The following DCLK1 variants were observed in gnomAD, a reference collection of about 807,000 sequenced individuals.
DCLK1 encodes the protein doublecortin like kinase 1.
In DCLK1, 16 loss-of-function variants were observed where a neutral mutation model predicts 86.2. The observed-to-expected ratio is 0.19, with a 90% CI of 0.13 to 0.28. The LOEUF is 0.28. Among genes scored for constraint, DCLK1 ranks in the 10% least tolerant of loss-of-function variants. The pLI is 1.00. For missense variants in DCLK1, 590 were observed against 940.2 expected (o/e 0.63, Z 4.87); for synonymous variants, 369 against 370.5 (o/e 1.00, Z 0.05).
At chr13:35,954,841 T>C (rs184510555) in intron 3 of DCLK1, among the ~76,000 whole-genome samples, 3 of 151,786 alleles carry the variant, frequency 2.0e-5, no homozygotes, top group African/African-American at 7.3e-5. Flanking sequence ...GACTTTTTTT[T>C]AAAAAAAATG....
At chr13:35,857,985 T>G (rs1221736940) in intron 5 of DCLK1, among the ~76,000 whole-genome samples, 10 of 152,208 alleles carry the variant, frequency 6.6e-5, no homozygotes, top group Admixed American at 6.5e-4. Flanking sequence ...TTAGGGAGTT[T>G]GGTTTTTATC....
chr13:35,874,972 G>A (rs1872512747), intron 4 of DCLK1, among the ~76,000 whole-genome samples: 1 of 152,232 alleles, frequency 6.6e-6, no homozygotes, highest in South Asian at 2.1e-4. Flanking sequence ...TTATCACGTG[G>A]CCACTACGTG....
intron 11 of DCLK1, among the ~76,000 whole-genome samples, chr13:35,812,879 GACATTTTCTTCCTA>G (rs1436854481): frequency 6.6e-6 from 1 of 152,166 alleles, no homozygotes; most frequent in Non-Finnish European, 1.5e-5. Flanking sequence ...ATCTGGGACG[GACATTTTCTTCCTA>G]ACTTAATGAA....
rs140872139 is a variant in DCLK1 at position 35,921,670 on chromosome 13, C to T, written c.823+25688G>A. On this transcript the variant is annotated intron_variant, in intron 4 of 16. Coordinates refer to ENST00000360631, the MANE Select transcript of DCLK1 (RefSeq NM_001330071.2). ...CAGCAGCACCCAGAAAGGTGTGTGGCCAAAGTGAAACAAATGAAAATTTGT... is the reference window on the plus strand; with the variant it reads ...CAGCAGCACCCAGAAAGGTGTGTGGTCAAAGTGAAACAAATGAAAATTTGT... Among the ~76,000 whole-genome samples the T allele has an allele frequency of 2.0e-4, 31 of 152,134 alleles. No individual in the cohort carries two copies. In the East Asian group the frequency reaches 6.0e-3, roughly 29 times the overall value.
intron 5 of DCLK1, chr13:35,869,134 G>T (rs771469470): frequency 1.2e-5 from 6 of 511,260 alleles, no homozygotes; most frequent in Admixed American, 7.9e-5. Context: ...ATGTTTTTTA[G>T]TTAAGACTGA....
In DCLK1 at chr13:35,828,080, T is replaced by C. The variant is rs538118762; in HGVS notation, c.1287+170A>G. On this transcript the variant is annotated intron_variant, in intron 9 of 16. Coordinates refer to ENST00000360631, the MANE Select transcript of DCLK1 (RefSeq NM_001330071.2). ...TGAAGTCATATCTAATCATTCCAAA[T>C]AACTTTTATCCCAGGGATATACATA... Among the ~76,000 whole-genome samples the C allele has an allele frequency of 7.3e-4, 111 of 152,340 alleles. 2 individuals are homozygous for C. In the South Asian group the frequency reaches 0.022, roughly 30 times the overall value.
intron 4 of DCLK1, 45 bp from the exon 5 acceptor site, chr13:35,871,385 C>A: frequency 6.9e-7 from 1 of 1,444,820 alleles, no homozygotes; most frequent in Non-Finnish European, 9.7e-7. Flanking sequence ...GGTAATGGCA[C>A]ACACACACCA....
At chr13:36,068,106 A>G (rs928404468) in intron 3 of DCLK1, among the ~76,000 whole-genome samples, 1 of 152,228 alleles carries the variant, frequency 6.6e-6, no homozygotes, top group African/African-American at 2.4e-5. Flanking sequence ...TCCACAAGAC[A>G]TCTTTCCAGC....
chr13:36,008,291 T>C (rs1473887087), intron 3 of DCLK1, among the ~76,000 whole-genome samples: 2 of 121,992 alleles, frequency 1.6e-5, no homozygotes, highest in African/African-American at 6.4e-5. Context: ...GTTACATATG[T>C]ATACATGTGC....
chr13:35,921,424 T>C (rs989207322), intron 4 of DCLK1, among the ~76,000 whole-genome samples: 1 of 152,098 alleles, frequency 6.6e-6, no homozygotes, highest in African/African-American at 2.4e-5. Flanking sequence ...CCAGCTAACA[T>C]CTATCACTCC....
chr13:36,062,263 T>C (rs1228319299), intron 3 of DCLK1, among the ~76,000 whole-genome samples: 1 of 152,160 alleles, frequency 6.6e-6, no homozygotes, highest in Non-Finnish European at 1.5e-5. Context: ...ATAATCTACA[T>C]ATAAAGAATC....
chr13:35,805,869 A>G, intron 14 of DCLK1, 90 bp from the exon 15 acceptor site: 5 of 1,184,316 alleles, frequency 4.2e-6, no homozygotes, highest in Non-Finnish European at 5.9e-6. Context: ...TTAGTTTCGA[A>G]AAGCATTTGT....
rs1886011138 is a variant in DCLK1, at chr13:36,122,056, T to TC, written c.376+3705_376+3706insG. Among the ~76,000 whole-genome samples the TC allele has an allele frequency of 2.6e-5, 4 of 152,274 alleles. No individual in the cohort carries two copies. In the South Asian group the frequency reaches 8.3e-4, roughly 32 times the overall value. ...TTTTATATCTATTCAAAAATTAATT[T>TC]TAAAAAATTCATTATAGCAAGGAGA... On this transcript the variant is annotated intron_variant, in intron 2 of 16. Coordinates refer to ENST00000360631, the MANE Select transcript of DCLK1 (RefSeq NM_001330071.2).
chr13:35,883,775 T>C (rs889707770), intron 4 of DCLK1, among the ~76,000 whole-genome samples: 12 of 152,004 alleles, frequency 7.9e-5, no homozygotes, highest in African/African-American at 2.9e-4. Flanking sequence ...GATGAGGAGA[T>C]AGAGTTCGCA....
At chr13:35,856,917 A>G (rs1027685938) in intron 5 of DCLK1, among the ~76,000 whole-genome samples, 5 of 152,170 alleles carry the variant, frequency 3.3e-5, no homozygotes, top group African/African-American at 9.7e-5. Context: ...ATGATGAGTC[A>G]TTTCACAAGC....
At chr13:35,813,695 T>G (rs17784597) in intron 11 of DCLK1, among the ~76,000 whole-genome samples, 28,383 of 150,318 alleles carry the variant, frequency 0.19, 3,512 homozygotes, top group Non-Finnish European at 0.27. Flanking sequence ...CCCTGTACAA[T>G]GGTCTTTTAA....
chr13:36,119,817 A>G (rs893191563), intron 2 of DCLK1, among the ~76,000 whole-genome samples: 8 of 152,206 alleles, frequency 5.3e-5, no homozygotes, highest in Non-Finnish European at 1.2e-4. Flanking sequence ...AAAAAAGGAT[A>G]TCAGTGGGGA....
At chr13:36,065,259 C>T (rs1254592971) in intron 3 of DCLK1, among the ~76,000 whole-genome samples, 1 of 152,186 alleles carries the variant, frequency 6.6e-6, no homozygotes, top group Non-Finnish European at 1.5e-5. Context: ...AAACAGCACA[C>T]ATCTTACAGG....
chr13:35,778,595 A>G (rs1001605156), intron 16 of DCLK1, among the ~76,000 whole-genome samples: 1 of 152,164 alleles, frequency 6.6e-6, no homozygotes, highest in African/African-American at 2.4e-5. Flanking sequence ...ACCCGACCCC[A>G]TCAATAGGAC....
Sources: allele counts gnomAD v4.1 joint callset (sites outside exome capture counted in the v4.1 genomes callset), GRCh38; gene constraint gnomAD v4.1.1; transcripts MANE v1.5; gene names NCBI Gene and HGNC (gene_info 2026-07-23, HGNC 2026-07-21).